The following SLC37A3 variants were observed in gnomAD, a reference collection of about 807,000 sequenced individuals.
SLC37A3 encodes the protein sugar phosphate exchanger 3.
A neutral mutation model predicts 67.1 loss-of-function variants in SLC37A3; 51 were observed. The observed-to-expected ratio is 0.76, with a 90% confidence interval of 0.61 to 0.96. The LOEUF is 0.96. SLC37A3 is among the 40% of genes least tolerant of loss of function. SLC37A3 has a pLI of 0.00. For missense variants in SLC37A3, 508 were observed against 603.0 expected, an observed-to-expected ratio of 0.84 and a Z score of 1.65; for synonymous variants, 214 against 231.4, an observed-to-expected ratio of 0.92 and a Z score of 0.68.
intron 3 of SLC37A3, among the ~76,000 whole-genome samples, chr7:140,376,033 G>A (rs1798018417): frequency 6.6e-6 from 1 of 152,134 alleles, no homozygotes; most frequent in Non-Finnish European, 1.5e-5. Context: ...CTAGAGACAA[G>A]GAACTTAAGC....
intron 9 of SLC37A3, 23 bp downstream of exon 9, chr7:140,351,249 TG>T: frequency 6.2e-7 from 1 of 1,600,678 alleles, no homozygotes; most frequent in Non-Finnish European, 8.5e-7. Context: ...TCCCTGGCTG[TG>T]GTAAGATGTA....
intron 8 of SLC37A3, 132 bp from the exon 9 acceptor site, chr7:140,351,583 C>T (rs1796803925): frequency 1.1e-5 from 9 of 856,784 alleles, no homozygotes; most frequent in African/African-American, 3.4e-5. Flanking sequence ...GTCCAGAGAC[C>T]GAGGTCAACT....
At chr7:140,388,218 A>G (rs1177172624) in intron 1 of SLC37A3, among the ~76,000 whole-genome samples, 1 of 151,688 alleles carries the variant, frequency 6.6e-6, no homozygotes, top group Non-Finnish European at 1.5e-5. Flanking sequence ...GGACTACTTG[A>G]GCCCAGGAGT....
intron 2 of SLC37A3, among the ~76,000 whole-genome samples, chr7:140,381,631 C>G (rs540459200): frequency 2.0e-5 from 3 of 152,258 alleles, no homozygotes; most frequent in South Asian, 4.1e-4. Flanking sequence ...AGGTCACTTA[C>G]AGCATGCCTC....
intron 3 of SLC37A3, 56 bp from the exon 4 acceptor site, chr7:140,369,738 GT>G: frequency 7.0e-7 from 1 of 1,430,112 alleles, no homozygotes; most frequent in South Asian, 1.2e-5. Flanking sequence ...AGGGCTTTCT[GT>G]TTCCCAAAGC....
chr7:140,396,910 CAG>C (rs1798955760), intron 1 of SLC37A3, among the ~76,000 whole-genome samples: 1 of 123,514 alleles, frequency 8.1e-6, no homozygotes, highest in East Asian at 2.3e-4. Context: ...TTTTTTTTGA[CAG>C]AGTCTGAGGC....
chr7:140,363,714 A>T (rs1359112342), intron 5 of SLC37A3, among the ~76,000 whole-genome samples: 12 of 124,516 alleles, frequency 9.6e-5, no homozygotes, highest in East Asian at 2.3e-4. Context: ...ATAAAAAAAT[A>T]AAAAAAAAAG....
chr7:140,378,651 C>T (rs866212740), intron 3 of SLC37A3, among the ~76,000 whole-genome samples: 7 of 151,344 alleles, frequency 4.6e-5, no homozygotes, highest in Non-Finnish European at 7.4e-5. Context: ...GCAGGAGAAT[C>T]GCTTGAACCC....
intron 3 of SLC37A3, among the ~76,000 whole-genome samples, chr7:140,370,149 G>GTT (rs34474661): frequency 0.016 from 2,359 of 149,138 alleles, 53 homozygotes; most frequent in South Asian, 0.093. Context: ...GAAATAACTA[G>GTT]TTTTTTTTTT....
chr7:140,384,593 T>C (rs1052313292), intron 1 of SLC37A3, among the ~76,000 whole-genome samples: 6 of 150,642 alleles, frequency 4.0e-5, no homozygotes, highest in Non-Finnish European at 8.9e-5. Flanking sequence ...GTGGCTCATG[T>C]CTATGGTCCC....
At chr7:140,357,109 G>A (rs569336207) in intron 6 of SLC37A3, among the ~76,000 whole-genome samples, 2 of 152,196 alleles carry the variant, frequency 1.3e-5, no homozygotes, top group South Asian at 4.2e-4. Flanking sequence ...AGCTACTCGG[G>A]AGGCTGAGGA....
chr7:140,392,390 A>C (rs1429340546), intron 1 of SLC37A3, among the ~76,000 whole-genome samples: 1 of 151,644 alleles, frequency 6.6e-6, no homozygotes, highest in Non-Finnish European at 1.5e-5. Context: ...AGTCCTTTTC[A>C]CCTCCAAAAT....
Position 140,343,567 on chromosome 7 carries a change from A to C in SLC37A3, c.1175-4T>G. The stretch of plus-strand genomic sequence containing the variant: ...GAAGGTCCACCAATAAAAAATCCTG[A>C]AGTCATAAACAGGTTCTTATTAAAA... On this transcript the variant is annotated splice_polypyrimidine_tract_variant and splice_region_variant and intron_variant, in intron 12 of 14. Transcript: ENST00000326232. The C allele has an allele frequency of 1.2e-6, 2 of 1,613,608 alleles. No homozygotes were observed. The highest frequency in any genetic ancestry group is 1.7e-6 in the Non-Finnish European group (2 of 1,179,574).
intron 3 of SLC37A3, among the ~76,000 whole-genome samples, chr7:140,374,651 G>A (rs1320725282): frequency 6.6e-6 from 1 of 152,116 alleles, no homozygotes; most frequent in Non-Finnish European, 1.5e-5. Flanking sequence ...GACCAGCATA[G>A]GCAACATGGT....
At position 140,348,697 on chromosome 7, in the gene SLC37A3, C is replaced by G; in HGVS notation, c.953G>C (p.Ser318Thr). The change falls in exon 10 of 15, where the codon AGT (serine) becomes ACT (threonine). Residue 318 changes from serine to threonine, a missense_variant. By Grantham distance (58) the Ser-to-Thr change is moderately conservative. Transcript: ENST00000326232. ...CGCCTCCTTCCAGCCGAAGTTGTTA[C>G]TCAGATAAAAGGGGAGCCAGAAGAA... is the stretch of plus-strand genomic sequence containing the variant. ...SFFFWLPFYL[S>T]NNFGWKEAEA... 6.2e-7 allele frequency: 1 copy of G among 1,614,132 alleles called. No homozygotes were observed. Among genetic ancestry groups the G allele is most frequent in the South Asian group, 1.1e-5 (1 of 91,086 alleles).
rs1798932152 is a variant in SLC37A3 at position 140,396,503 on chromosome 7, G to A, written c.-71+1913C>T. On this transcript the variant is annotated intron_variant, in intron 1 of 14. Transcript: ENST00000326232. ...TGTAAATATCTCTCATTTTATTCCA[G>A]GGTTTCCAAAACCACATTCTTCCTC... is the stretch of plus-strand genomic sequence containing the variant. Among the ~76,000 whole-genome samples, 3 of 152,086 alleles carry A rather than the reference G, an allele frequency of 2.0e-5. No individual in the cohort carries two copies. The South Asian group carries it at 6.2e-4, about 32-fold the overall frequency.
chr7:140,364,861 G>A (rs1317334812), intron 4 of SLC37A3, among the ~76,000 whole-genome samples: 2 of 152,218 alleles, frequency 1.3e-5, no homozygotes, highest in South Asian at 4.1e-4. Context: ...AATAAAACAA[G>A]CACACAAATA....
At chr7:140,370,280 A>G (rs1051333987) in intron 3 of SLC37A3, among the ~76,000 whole-genome samples, 15 of 152,208 alleles carry the variant, frequency 9.9e-5, no homozygotes, top group African/African-American at 3.4e-4. Flanking sequence ...ATCACCTCAA[A>G]TGTGTATCAT....
chr7:140,380,272 T>C lies in SLC37A3; in HGVS notation c.198+10A>G. On this transcript the variant is annotated intron_variant, in intron 3 of 14. Transcript: ENST00000326232. Reference sequence around the variant, plus strand: ...TACTTCGATCCATCCCAGCACTCTGTTCTGCTTACCTCCACAGGCAGCTCA... The same window carrying C: ...TACTTCGATCCATCCCAGCACTCTGCTCTGCTTACCTCCACAGGCAGCTCA... The C allele has an allele frequency of 1.3e-6, 2 of 1,577,312 alleles. No homozygotes were observed. Among genetic ancestry groups the C allele is most frequent in the Non-Finnish European group, 1.7e-6 (2 of 1,146,950 alleles).
Sources: allele counts gnomAD v4.1 joint callset (sites outside exome capture counted in the v4.1 genomes callset), GRCh38; gene constraint gnomAD v4.1.1; transcripts MANE v1.5; gene names NCBI Gene and HGNC (gene_info 2026-07-23, HGNC 2026-07-21).